The following FBXO15 variants were observed in gnomAD, a reference collection of about 807,000 sequenced individuals.
FBXO15 encodes the protein F-box only protein 15.
In FBXO15, 30 loss-of-function variants were observed where a neutral mutation model predicts 49.5. The ratio of observed to expected loss-of-function variants is 0.61; its 90% CI spans 0.45 to 0.82. FBXO15 has a LOEUF of 0.82. Among genes scored for constraint, FBXO15 ranks in the 40% least tolerant of loss-of-function variants. The pLI, the probability that FBXO15 is intolerant of heterozygous loss-of-function variation, is 0.00. For synonymous variants in FBXO15, 250 were observed against 232.7 expected (o/e 1.07, Z -0.68); for missense variants, 591 against 631.5 (o/e 0.94, Z 0.69).
chr18:74,111,963 G>T, intron 8 of FBXO15, among the ~76,000 whole-genome samples: 1 of 152,114 alleles, frequency 6.6e-6, no homozygotes, highest in South Asian at 2.1e-4. Flanking sequence ...TTCCTTGAAA[G>T]ACACCATCTG....
chr18:74,120,958 C>T (rs191361887), intron 8 of FBXO15, among the ~76,000 whole-genome samples: 1 of 152,096 alleles, frequency 6.6e-6, no homozygotes, highest in East Asian at 1.9e-4. Context: ...TACAGAAATA[C>T]ATGAATTACC....
At chr18:74,077,393 G>C (rs751959275) in intron 9 of FBXO15, among the ~76,000 whole-genome samples, 2 of 152,150 alleles carry the variant, frequency 1.3e-5, no homozygotes, top group Non-Finnish European at 2.9e-5. Context: ...AATCCCTGAT[G>C]GGAGAGTGCA....
At chr18:74,090,261 GC>G (rs567723896) in intron 8 of FBXO15, among the ~76,000 whole-genome samples, 98 of 152,090 alleles carry the variant, frequency 6.4e-4, no homozygotes, top group African/African-American at 2.1e-3. Flanking sequence ...CAGTGGTAAT[GC>G]CCCCTTTGTC....
intron 8 of FBXO15, 61 bp from the exon 9 acceptor site, chr18:74,082,112 C>CG (rs1303150012): frequency 6.3e-7 from 1 of 1,577,774 alleles, no homozygotes; most frequent in African/African-American, 1.4e-5. Context: ...AAACCAAGCA[C>CG]GTTCAGTCGG....
chr18:74,094,429 G>A (rs112195139), intron 8 of FBXO15, among the ~76,000 whole-genome samples: 60 of 152,176 alleles, frequency 3.9e-4, no homozygotes, highest in African/African-American at 1.2e-3. Context: ...TAAGCTTCCC[G>A]AGGCCTCCTT....
intron 8 of FBXO15, among the ~76,000 whole-genome samples, chr18:74,115,999 T>C (rs1382271720): frequency 6.6e-6 from 1 of 152,236 alleles, no homozygotes; most frequent in East Asian, 1.9e-4. Flanking sequence ...ACTTAAGACC[T>C]GGATGGTGAT....
In FBXO15 at chr18:74,075,027, CTA is replaced by C; in HGVS notation, c.1264-1299_1264-1298del. Among the ~76,000 whole-genome samples the C allele has an allele frequency of 6.6e-6, 1 of 152,340 alleles. No homozygotes were observed. Among genetic ancestry groups the C allele is most frequent in the East Asian group, 1.9e-4 (1 of 5,176 alleles). ...AGCCCCAGAGGAGCGCAGTTATTTT[CTA>C]TCTGTCTGGACCTGAGCACCAAGCA... On this transcript the variant is annotated intron_variant, in intron 9 of 9. Transcript: ENST00000419743. This position sits in a 1 kb window ranked among gnomAD's most constrained non-coding sequence, Gnocchi z 4.1.
chr18:74,110,069 G>C (rs1166982898), intron 8 of FBXO15, among the ~76,000 whole-genome samples: 1 of 151,196 alleles, frequency 6.6e-6, no homozygotes, highest in African/African-American at 2.4e-5. Context: ...AAAAATAAAA[G>C]CTTTCACTTC....
At chr18:74,102,702 C>G (rs776907355) in intron 8 of FBXO15, among the ~76,000 whole-genome samples, 1 of 152,172 alleles carries the variant, frequency 6.6e-6, no homozygotes, top group African/African-American at 2.4e-5. Flanking sequence ...GTGGAACCCA[C>G]ACAAATGCCC....
At chr18:74,137,032 G>T (rs1319259689) in intron 2 of FBXO15, among the ~76,000 whole-genome samples, 1 of 152,206 alleles carries the variant, frequency 6.6e-6, no homozygotes, top group African/African-American at 2.4e-5. Flanking sequence ...TACTGAGAAA[G>T]AATAAAGTAG....
chr18:74,125,169 G>A (rs1388114225), intron 6 of FBXO15, among the ~76,000 whole-genome samples: 1 of 152,220 alleles, frequency 6.6e-6, no homozygotes, highest in Non-Finnish European at 1.5e-5. Flanking sequence ...CAGTAGCCAG[G>A]CAGAGGACAA....
chr18:74,109,156 C>T (rs530752332), intron 8 of FBXO15, among the ~76,000 whole-genome samples: 6 of 152,218 alleles, frequency 3.9e-5, no homozygotes, highest in African/African-American at 9.6e-5. Context: ...ATAACCCCAT[C>T]AAAAAGTGGG....
At chr18:74,128,421 C>T (rs1253036534) in intron 5 of FBXO15, among the ~76,000 whole-genome samples, 1 of 151,694 alleles carries the variant, frequency 6.6e-6, no homozygotes, top group Non-Finnish European at 1.5e-5. Flanking sequence ...TGTCAGATAT[C>T]ACAGTATCCT....
At chr18:74,080,775 C>T (rs535913594) in intron 9 of FBXO15, among the ~76,000 whole-genome samples, 4 of 152,324 alleles carry the variant, frequency 2.6e-5, no homozygotes, top group African/African-American at 9.6e-5. Context: ...TGTATAATTA[C>T]TACATTTCCC....
chr18:74,084,124 C>T (rs1040006292), intron 8 of FBXO15, among the ~76,000 whole-genome samples: 3 of 152,156 alleles, frequency 2.0e-5, no homozygotes, highest in African/African-American at 7.2e-5. Context: ...AATTACTAGC[C>T]AATAATTTAT....
At chr18:74,145,712 C>G (rs1979370902) in intron 1 of FBXO15, among the ~76,000 whole-genome samples, 1 of 151,194 alleles carries the variant, frequency 6.6e-6, no homozygotes. Flanking sequence ...ATTCTCCTGC[C>G]TCAGCCTCCT....
chr18:74,145,021 C>A (rs976749881), intron 1 of FBXO15, among the ~76,000 whole-genome samples: 1 of 152,188 alleles, frequency 6.6e-6, no homozygotes, highest in African/African-American at 2.4e-5. Context: ...TAACTCTCCC[C>A]ACTCAAAGAT....
At chr18:74,130,918 G>T in intron 3 of FBXO15, 20 of 324,772 alleles carry the variant, frequency 6.2e-5, no homozygotes, top group Non-Finnish European at 8.6e-5. Context: ...GTAATCTCAC[G>T]TTATTTAGGA....
intron 8 of FBXO15, among the ~76,000 whole-genome samples, chr18:74,091,164 TTGA>T (rs1335999101): frequency 5.3e-5 from 8 of 152,196 alleles, no homozygotes; most frequent in Non-Finnish European, 1.2e-4. Context: ...TTTCTCAATT[TTGA>T]TTTTTGTTGG....
Sources: gnomAD v4.1 joint callset for allele counts (sites outside exome capture counted in the v4.1 genomes callset) on GRCh38, gnomAD v4.1.1 for gene constraint, Gnocchi (gnomAD v3.1) non-coding constraint, MANE v1.5 for transcripts, NCBI Gene and HGNC (gene_info 2026-07-23, HGNC 2026-07-21) for gene names.